The following SEC14L2 variants were observed in gnomAD, a reference collection of about 807,000 sequenced individuals.
SEC14L2 encodes SEC14 like lipid binding 2, also known as SEC14-like protein 2.
SEC14L2 carries 50 observed loss-of-function variants against 56.9 expected under a neutral mutation model. The observed-to-expected ratio is 0.88, with a 90% CI of 0.70 to 1.11. The LOEUF is 1.11. Ranked by LOEUF, SEC14L2 falls within the 50% of genes most tolerant of loss-of-function variation. The probability of loss-of-function intolerance (pLI) is 0.00; values close to 1 mark genes in which losing one functional copy is unlikely to be tolerated. For synonymous variants in SEC14L2, 179 were observed against 188.5 expected (o/e 0.95, Z 0.41); for missense variants, 414 against 500.7 (o/e 0.83, Z 1.65).
At chr22:30,403,004 G>A (rs1023457601) in intron 2 of SEC14L2, among the ~76,000 whole-genome samples, 3 of 152,126 alleles carry the variant, frequency 2.0e-5, no homozygotes, top group Non-Finnish European at 4.4e-5. Flanking sequence ...ACTTAATCCA[G>A]TAGTTTGAGA....
intron 11 of SEC14L2, chr22:30,416,672 C>T (rs1934400032): frequency 4.9e-6 from 7 of 1,421,916 alleles, no homozygotes; most frequent in East Asian, 2.5e-5. Flanking sequence ...GGGTTCAACA[C>T]GTCTGCTTTC....
At chr22:30,397,266 T>G in intron 1 of SEC14L2, 96 bp downstream of exon 1, 1 of 1,163,674 alleles carries the variant, frequency 8.6e-7, no homozygotes, top group Non-Finnish European at 1.2e-6. Context: ...GGGCCGAGGG[T>G]CCGTGGCGGG....
Position 30,410,194 on chromosome 22 carries a change from A to G in SEC14L2, c.581-402A>G, listed in dbSNP as rs537685676. 2.0e-3 allele frequency among the ~76,000 whole-genome samples: 297 copies of G among 145,928 alleles called. 3 individuals carry two copies. The highest frequency in any genetic ancestry group is 7.2e-3 in the African/African-American group (285 of 39,436). ...AAGAGCACTGCTTGAGCCCAGGAGTAAAAGGCTGCAGTGAGCTATGATTGT... is the reference window on the plus strand; with the variant it reads ...AAGAGCACTGCTTGAGCCCAGGAGTGAAAGGCTGCAGTGAGCTATGATTGT... On this transcript the variant is annotated intron_variant, in intron 7 of 11. Transcript: ENST00000615189.
chr22:30,412,823 CAA>C (rs56684429), intron 8 of SEC14L2, among the ~76,000 whole-genome samples: 1 of 63,898 alleles, frequency 1.6e-5, no homozygotes. Flanking sequence ...AACCCTGTCT[CAA>C]AAAAAAAAAA....
chr22:30,422,356 C>T lies in SEC14L2; in HGVS notation c.1161C>T (p.Asp387=), dbSNP rs1416260131. Residue 387 remains aspartate (D), a synonymous_variant, in exon 12 of 12, where the codon GAC becomes GAT. Coordinates refer to ENST00000615189, the MANE Select transcript of SEC14L2 (RefSeq NM_012429.5). The part of the protein sequence containing the change: ...VNFTVEVLLP[D]KASEEKMKQL... The stretch of plus-strand genomic sequence containing the variant: ...TCACTGTGGAGGTCCTGCTTCCAGA[C>T]AAAGCCTCAGAAGAGAAGATGAAAC... 1 of 1,614,220 alleles carries T rather than the reference C, an allele frequency of 6.2e-7. No individual in the cohort carries two copies. Among genetic ancestry groups the T allele is most frequent in the Non-Finnish European group, 8.5e-7 (1 of 1,180,030 alleles).
intron 2 of SEC14L2, among the ~76,000 whole-genome samples, chr22:30,404,030 G>GAAAAAAAAAAAAAAAAAAAGAA (rs5844905): frequency 5.7e-5 from 5 of 87,616 alleles, no homozygotes; most frequent in African/African-American, 2.5e-4. Flanking sequence ...AAAAAAAAAA[G>GAAAAAAAAAAAAAAAAAAAGAA]AAAAAAAAAA....
intron 8 of SEC14L2, among the ~76,000 whole-genome samples, chr22:30,415,223 G>A (rs2146035796): frequency 6.6e-6 from 1 of 152,282 alleles, no homozygotes; most frequent in South Asian, 2.1e-4. Context: ...TCTGAGGTCA[G>A]GAGTTCGAGA....
In SEC14L2 at chr22:30,407,159, G is replaced by A; in HGVS notation, c.234+5G>A. On this transcript the variant is annotated splice_donor_5th_base_variant and intron_variant, in intron 4 of 11. Transcript: ENST00000615189. ...ATTAGCTGGCAGCCTCCAGAGGTGA[G>A]CACAAATTATCCCACCTCATCCCTA... The A allele has an allele frequency of 6.2e-7, 1 of 1,613,938 alleles. No individual in the cohort carries two copies. Among genetic ancestry groups the A allele is most frequent in the Non-Finnish European group, 8.5e-7 (1 of 1,179,938 alleles).
At chr22:30,407,063 CT>C in intron 3 of SEC14L2, 31 bp from the exon 4 acceptor site, 1 of 1,611,226 alleles carries the variant, frequency 6.2e-7, no homozygotes, top group Non-Finnish European at 8.5e-7. Flanking sequence ...TCCATCCCTC[CT>C]TTTAAAAATT....
chr22:30,405,224 G>A (rs973258484), intron 2 of SEC14L2, among the ~76,000 whole-genome samples: 12 of 152,240 alleles, frequency 7.9e-5, no homozygotes, highest in Admixed American at 4.6e-4. Flanking sequence ...GTGGGGCTTC[G>A]TAAAGTCTCT....
At chr22:30,418,505 A>T (rs1934440613) in intron 11 of SEC14L2, among the ~76,000 whole-genome samples, 1 of 152,220 alleles carries the variant, frequency 6.6e-6, no homozygotes, top group African/African-American at 2.4e-5. Flanking sequence ...ACATTGCCCA[A>T]GAAGGGAACA....
At chr22:30,404,134 G>A (rs2146014518) in intron 2 of SEC14L2, among the ~76,000 whole-genome samples, 1 of 151,690 alleles carries the variant, frequency 6.6e-6, no homozygotes, top group East Asian at 1.9e-4. Flanking sequence ...AGAGGACAGT[G>A]CCTTGCATCT....
In SEC14L2 at chr22:30,399,513, C is replaced by CAA. The variant is rs60817387; in HGVS notation, c.55-107_55-106dup. The stretch of plus-strand genomic sequence containing the variant: ...TGGGCGAGAGTGCGAGACTCTATCT[C>CAA]AAAAAAAAAAAAAAAAAAAAAAAAG... On this transcript the variant is annotated intron_variant, in intron 1 of 11. Coordinates refer to ENST00000615189, the MANE Select transcript of SEC14L2 (RefSeq NM_012429.5). 1,582 of 242,000 alleles carry CAA rather than the reference C, an allele frequency of 6.5e-3. 2 individuals carry two copies. Among genetic ancestry groups the CAA allele is most frequent in the Middle Eastern group, 0.011 (8 of 730 alleles). The allele number at this position is 242,000 out of a possible 1,614,324, so 15.0% of individuals were successfully genotyped here. A position where few individuals can be genotyped will look rare whatever the true frequency, so the allele number is the denominator to read the frequency against.
chr22:30,419,657 T>C (rs1569212563), intron 11 of SEC14L2, among the ~76,000 whole-genome samples: 1 of 152,116 alleles, frequency 6.6e-6, no homozygotes, highest in Non-Finnish European at 1.5e-5. Context: ...TTACAGCAAA[T>C]AGTGTCTAAA....
At chr22:30,404,412 C>A (rs1017257740) in intron 2 of SEC14L2, among the ~76,000 whole-genome samples, 5 of 152,128 alleles carry the variant, frequency 3.3e-5, no homozygotes, top group Non-Finnish European at 5.9e-5. Flanking sequence ...ACGGCAGAGT[C>A]AGGGAATGTG....
rs576362216 is a variant in SEC14L2 at position 30,403,161 on chromosome 22, G to A, written c.131-3181G>A. The stretch of plus-strand genomic sequence containing the variant: ...AATCTGACAAAGACCTTTCATAAAA[G>A]TCACACACGGGCAGAATGTCTGTCC... On this transcript the variant is annotated intron_variant, in intron 2 of 11. Transcript: ENST00000615189. Among the ~76,000 whole-genome samples the A allele has an allele frequency of 1.1e-4, 17 of 152,272 alleles. No individual in the cohort carries two copies. The South Asian group carries it at 3.5e-3, about 32-fold the overall frequency.
At chr22:30,413,719 C>A (rs1175185378) in intron 8 of SEC14L2, among the ~76,000 whole-genome samples, 1 of 151,922 alleles carries the variant, frequency 6.6e-6, no homozygotes, top group Non-Finnish European at 1.5e-5. Context: ...CTAGTGAGAC[C>A]CGGGGAGTGA....
intron 2 of SEC14L2, among the ~76,000 whole-genome samples, chr22:30,405,936 G>T (rs1021619337): frequency 2.0e-5 from 3 of 152,116 alleles, no homozygotes; most frequent in African/African-American, 7.2e-5. Flanking sequence ...GAACTGTGGT[G>T]TCAAGGTCTC....
chr22:30,397,320 C>T (rs1170409834), intron 1 of SEC14L2, 150 bp downstream of exon 1: 2 of 714,188 alleles, frequency 2.8e-6, no homozygotes, highest in East Asian at 3.3e-5. Context: ...GGCCCGCGCC[C>T]GCGGATGGCT....
Sources: gnomAD v4.1 joint callset for allele counts (sites outside exome capture counted in the v4.1 genomes callset) on GRCh38, gnomAD v4.1.1 for gene constraint, MANE v1.5 for transcripts, NCBI Gene and HGNC (gene_info 2026-07-23, HGNC 2026-07-21) for gene names.